Variants in PHKA1 observed in about 807,000 individuals in gnomAD.
PHKA1 encodes phosphorylase kinase regulatory subunit alpha 1.
Under a neutral mutation model 110.2 loss-of-function variants are expected in PHKA1, and 60 were observed. The ratio of observed to expected loss-of-function variants is 0.54; its 90% confidence interval spans 0.44 to 0.68. PHKA1 has a LOEUF of 0.68. Among genes scored for constraint, PHKA1 ranks in the 30% least tolerant of loss-of-function variants. The pLI is 0.00. For synonymous variants in PHKA1, 316 were observed against 333.6 expected (o/e 0.95, Z 0.58); for missense variants, 801 against 942.5 (o/e 0.85, Z 1.97).
At chrX:72,588,242 G>T (rs142881061) in intron 29 of PHKA1, among the ~76,000 whole-genome samples, 3,896 of 112,298 alleles carry the variant, frequency 0.035, 73 homozygotes, top group Non-Finnish European at 0.055. Context: ...TCAGACCACA[G>T]TGCAATCAAA....
chrX:72,582,667 G>T, intron 30 of PHKA1, 69 bp from the exon 31 acceptor site: 1 of 697,058 alleles, frequency 1.4e-6, no homozygotes, highest in Non-Finnish European at 2.3e-6. Flanking sequence ...CACCTGCTCT[G>T]AAAGGCAGTA....
At chrX:72,611,494 T>C (rs186706245) in intron 21 of PHKA1, among the ~76,000 whole-genome samples, 1 of 112,113 alleles carries the variant, frequency 8.9e-6, no homozygotes, top group Non-Finnish European at 1.9e-5. Context: ...AAAATCACTG[T>C]AAGGAAAGTC....
chrX:72,685,656 A>G (rs910967503), intron 4 of PHKA1, among the ~76,000 whole-genome samples: 3 of 112,183 alleles, frequency 2.7e-5, no homozygotes, highest in Admixed American at 9.5e-5. Flanking sequence ...TACCTCTTTT[A>G]TAACAATAAA....
chrX:72,592,585 T>C (rs1205997054), intron 29 of PHKA1, among the ~76,000 whole-genome samples: 3 of 112,690 alleles, frequency 2.7e-5, no homozygotes, highest in African/African-American at 9.7e-5. Context: ...ATTACCATCA[T>C]TATGACTTTG....
At chrX:72,669,587 G>A (rs1442006763) in intron 6 of PHKA1, among the ~76,000 whole-genome samples, 1 of 87,254 alleles carries the variant, frequency 1.1e-5, no homozygotes, top group Non-Finnish European at 2.1e-5. Flanking sequence ...GTGTCCATGT[G>A]TTCTCATTGT....
intron 26 of PHKA1, 61 bp downstream of exon 26, chrX:72,603,058 A>C: frequency 1.3e-6 from 1 of 762,120 alleles, no homozygotes; most frequent in South Asian, 2.2e-5. Context: ...AAAACATTTT[A>C]AAACCAATGA....
chrX:72,605,293 C>T lies in PHKA1; in HGVS notation c.2793G>A (p.Leu931=). The change falls in exon 25 of 32, where the codon CTG becomes CTA. Residue 931 remains leucine, a synonymous_variant. Transcript: ENST00000373542. Reference sequence around the variant, plus strand: ...TACCTGAGCATCGAAGGGAGTGGGCCAGTTCTGTTGCCATAACTTGTATGA... The same window carrying T: ...TACCTGAGCATCGAAGGGAGTGGGCTAGTTCTGTTGCCATAACTTGTATGA... The part of the protein sequence containing the change: ...GLIIQVMATE[L]AHSLRCSAEE... The T allele has an allele frequency of 8.3e-7, 1 of 1,204,461 alleles. No individual in the cohort carries two copies. The highest frequency in any genetic ancestry group is 1.1e-6 in the Non-Finnish European group (1 of 888,949).
intron 2 of PHKA1, among the ~76,000 whole-genome samples, chrX:72,705,755 C>T (rs1901512257): frequency 8.9e-6 from 1 of 111,802 alleles, no homozygotes; most frequent in Admixed American, 9.5e-5. Flanking sequence ...TGACTCAACC[C>T]GTTTTCCTTG....
chrX:72,622,539 T>A (rs1386616526), intron 18 of PHKA1: 1 of 750,976 alleles, frequency 1.3e-6, no homozygotes, highest in Non-Finnish European at 1.6e-6. Context: ...TGCATGCCCC[T>A]GCAATGCTTT....
In PHKA1 at chrX:72,580,772, G is replaced by A; in HGVS notation, c.*230C>T. 2.3e-6 allele frequency: 1 copy of A among 436,517 alleles called. No individual in the cohort carries two copies. The highest frequency in any genetic ancestry group is 4.0e-6 in the Non-Finnish European group (1 of 249,779). 36.0% of individuals were successfully genotyped at this position (436,517 alleles called of 1,213,427 possible). ...CCAATCATGACAGGCCTGGCTGAGT[G>A]TTCATTATACTCATAAGATTGTCAC... On this transcript the variant is annotated 3_prime_UTR_variant, in exon 32 of 32. Coordinates refer to ENST00000373542, the MANE Select transcript of PHKA1 (RefSeq NM_002637.4).
intron 29 of PHKA1, among the ~76,000 whole-genome samples, chrX:72,586,100 G>C (rs1556212534): frequency 1.8e-5 from 2 of 112,600 alleles, no homozygotes; most frequent in African/African-American, 6.4e-5. Context: ...TGAGCTCTGA[G>C]AAAGGACAGA....
rs782124062 is a variant in PHKA1, at chrX:72,680,034, A to T, written c.538-3884T>A. On this transcript the variant is annotated intron_variant, in intron 5 of 31. Coordinates refer to ENST00000373542, the MANE Select transcript of PHKA1 (RefSeq NM_002637.4). ...GAAACTTTTTTTTTTTTTTTGAGAC[A>T]GAGTCTCACTCTTGTTGCCCAGGCT... is the stretch of plus-strand genomic sequence containing the variant. Among the ~76,000 whole-genome samples the T allele has an allele frequency of 8.3e-5, 9 of 108,633 alleles. No homozygotes were observed. In the South Asian group the frequency reaches 3.7e-3, roughly 45 times the overall value. The allele number at this position is 108,633 out of a possible 115,157, so 94.3% of individuals were successfully genotyped here.
chrX:72,663,941 G>C (rs1412865467), intron 8 of PHKA1, among the ~76,000 whole-genome samples: 1 of 108,932 alleles, frequency 9.2e-6, no homozygotes, highest in Non-Finnish European at 1.9e-5. Flanking sequence ...GAAAGAGAAA[G>C]AGAAAGAGAA....
At chrX:72,628,809 C>T (rs2053125718) in intron 16 of PHKA1, among the ~76,000 whole-genome samples, 1 of 108,832 alleles carries the variant, frequency 9.2e-6, no homozygotes, top group African/African-American at 3.3e-5. Context: ...TCTCAAACTC[C>T]TGACCTCAAG....
rs1051703836 is a variant in PHKA1, at chrX:72,662,059, G to A, written c.864+4092C>T. 6.2e-4 allele frequency among the ~76,000 whole-genome samples: 69 copies of A among 112,019 alleles called. 1 individual carries two copies. Among genetic ancestry groups the A allele is most frequent in the African/African-American group, 2.2e-3 (67 of 30,870 alleles). ...AAAAGGTAAGCAAAAGGCTCCCACC[G>A]TCCCTCATTGCCAGCCCAGACACCT... On this transcript the variant is annotated intron_variant, in intron 8 of 31. Transcript: ENST00000373542.
Position 72,593,120 on chromosome X carries a change from C to T in PHKA1, c.3227G>A (p.Trp1076Ter). 1 of 1,198,407 alleles carries T rather than the reference C, an allele frequency of 8.3e-7. No homozygotes were observed. The highest frequency in any genetic ancestry group is 1.1e-6 in the Non-Finnish European group (1 of 883,396). The change falls in exon 29 of 32, where the codon TGG becomes TAG. Residue 1076 changes from tryptophan to a stop codon, truncating the protein, a stop_gained. Transcript: ENST00000373542. LOFTEE classifies it high-confidence loss of function. ...TATGCTCACCTTCTGCAAAACTTTCCATACTTTCTGATAAAATCCAACTGG... is the reference window on the plus strand; with the variant it reads ...TATGCTCACCTTCTGCAAAACTTTCTATACTTTCTGATAAAATCCAACTGG... ...RVPVGFYQKVWKVLQKCHGLS... is the reference protein window; with the variant it reads ...RVPVGFYQKV
intron 19 of PHKA1, among the ~76,000 whole-genome samples, 160 bp downstream of exon 19, chrX:72,620,565 A>G (rs1556276048): frequency 8.9e-6 from 1 of 112,000 alleles, no homozygotes; most frequent in Non-Finnish European, 1.9e-5. Context: ...CATTTTACAA[A>G]TATTTGAGTG....
chrX:72,620,963 A>G, intron 18 of PHKA1, 62 bp from the exon 19 acceptor site: 1 of 1,114,499 alleles, frequency 9.0e-7, no homozygotes, highest in South Asian at 2.0e-5. Context: ...TTACTTTACA[A>G]TCTACCCCAG....
chrX:72,658,061 C>A (rs1310163654), intron 8 of PHKA1, among the ~76,000 whole-genome samples: 12 of 112,121 alleles, frequency 1.1e-4, no homozygotes, highest in African/African-American at 3.9e-4. Flanking sequence ...TTTAGATTTA[C>A]AGAAGAGTTG....
Sources: allele counts gnomAD v4.1 joint callset (sites outside exome capture counted in the v4.1 genomes callset), GRCh38; gene constraint gnomAD v4.1.1; transcripts MANE v1.5; gene names NCBI Gene and HGNC (gene_info 2026-07-23, HGNC 2026-07-21).